The following NR4A3 variants were observed in gnomAD, a reference collection of about 807,000 sequenced individuals.
The protein encoded by NR4A3 is chondrosarcoma, extraskeletal myxoid, fused to EWS.
NR4A3 carries 13 observed loss-of-function variants against 55.6 expected under a neutral mutation model. The observed-to-expected ratio is 0.23, with a 90% CI of 0.15 to 0.37. NR4A3 has a LOEUF of 0.37. Among genes scored for constraint, NR4A3 ranks in the 10% least tolerant of loss-of-function variants. NR4A3 has a pLI of 1.00. For missense variants in NR4A3, 646 were observed against 822.8 expected, an observed-to-expected ratio of 0.79 and a Z score of 2.63; for synonymous variants, 342 against 357.9, an observed-to-expected ratio of 0.96 and a Z score of 0.50.
At chr9:99,846,133 A>T (rs1166596544) in intron 6 of NR4A3, among the ~76,000 whole-genome samples, 1 of 152,240 alleles carries the variant, frequency 6.6e-6, no homozygotes, top group East Asian at 1.9e-4. Context: ...TCCAAGAAGC[A>T]CAAAGAGATA....
At chr9:99,861,127 C>T (rs1466021342) in intron 7 of NR4A3, among the ~76,000 whole-genome samples, 2 of 152,216 alleles carry the variant, frequency 1.3e-5, no homozygotes, top group Non-Finnish European at 2.9e-5. Flanking sequence ...AGGGCCAGTG[C>T]CCATCTCTTT....
At position 99,828,385 on chromosome 9, in the gene NR4A3, C is replaced by A; in HGVS notation, c.343C>A (p.Pro115Thr). The A allele has an allele frequency of 6.3e-7, 1 of 1,594,598 alleles. No homozygotes were observed. Among genetic ancestry groups the A allele is most frequent in the Admixed American group, 1.7e-5 (1 of 59,148 alleles). ...HHHHQQQHQQ[P>T]SIPPASSPED... ...CCATCACCAGCAGCAGCATCAGCAGCCATCCATTCCTCCAGCCTCCAGCCC... is the reference window on the plus strand; with the variant it reads ...CCATCACCAGCAGCAGCATCAGCAGACATCCATTCCTCCAGCCTCCAGCCC... The change falls in exon 3 of 8, where the codon CCA (proline) becomes ACA (threonine). Residue 115 changes from proline (P) to threonine (T), a missense_variant. By Grantham distance (38) the Pro-to-Thr change is conservative. Coordinates refer to ENST00000395097, the MANE Select transcript of NR4A3 (RefSeq NM_006981.4). This position sits in a 1 kb window ranked among gnomAD's most constrained non-coding sequence, Gnocchi z 7.7.
At chr9:99,844,224 G>A (rs1034499757) in intron 5 of NR4A3, among the ~76,000 whole-genome samples, 1 of 152,092 alleles carries the variant, frequency 6.6e-6, no homozygotes, top group Non-Finnish European at 1.5e-5. Context: ...CAAACTCCTG[G>A]GGCAGTAGTT....
intron 5 of NR4A3, among the ~76,000 whole-genome samples, chr9:99,841,975 A>G (rs1827658145): frequency 6.6e-6 from 1 of 152,172 alleles, no homozygotes; most frequent in Admixed American, 6.5e-5. Context: ...GTCTCAAAAA[A>G]AAATTTTTTT....
intron 3 of NR4A3, among the ~76,000 whole-genome samples, chr9:99,829,682 G>A (rs1827401661): frequency 6.6e-6 from 1 of 152,098 alleles, no homozygotes; most frequent in Non-Finnish European, 1.5e-5. Flanking sequence ...TATGGAAAGA[G>A]CTGCCTCTTT....
chr9:99,862,571 AAAAAAAAAAAAAG>A (rs1302777703), intron 7 of NR4A3, among the ~76,000 whole-genome samples: 1,299 of 118,558 alleles, frequency 0.011, 13 homozygotes, highest in Non-Finnish European at 0.016. Context: ...AAAAAAAAAA[AAAAAAAAAAAAAG>A]AGAGAGAAAT....
At chr9:99,855,743 A>G (rs930324408) in intron 7 of NR4A3, among the ~76,000 whole-genome samples, 1 of 152,206 alleles carries the variant, frequency 6.6e-6, no homozygotes, top group African/African-American at 2.4e-5. Flanking sequence ...AGAAAGGGGT[A>G]GAGCTCCGAG....
At chr9:99,848,216 G>A (rs1481533101) in intron 7 of NR4A3, among the ~76,000 whole-genome samples, 5 of 152,118 alleles carry the variant, frequency 3.3e-5, no homozygotes, top group Non-Finnish European at 5.9e-5. Context: ...CTTGGCTAGC[G>A]ACCTAAAGTA....
rs191982195 is a variant in NR4A3 at position 99,826,149 on chromosome 9, G to A, written c.-3+317G>A. Among the ~76,000 whole-genome samples, 199 of 152,314 alleles carry A rather than the reference G, an allele frequency of 1.3e-3. 1 individual carries two copies. The highest frequency in any genetic ancestry group is 4.6e-3 in the African/African-American group (192 of 41,560). On this transcript the variant is annotated intron_variant, in intron 2 of 7. Transcript: ENST00000395097. ...CATTTTTGCTCTTCTTTTATAGCCA[G>A]TGTGCACATGTAAGAGTTATGGAAT...
At chr9:99,849,110 T>C (rs1827805475) in intron 7 of NR4A3, among the ~76,000 whole-genome samples, 1 of 152,248 alleles carries the variant, frequency 6.6e-6, no homozygotes, top group Non-Finnish European at 1.5e-5. Flanking sequence ...TCTTTCTGTT[T>C]CACTGGAAAT....
At chr9:99,831,302 G>A (rs953046889) in intron 3 of NR4A3, among the ~76,000 whole-genome samples, 3 of 152,268 alleles carry the variant, frequency 2.0e-5, no homozygotes, top group South Asian at 4.1e-4. Context: ...GGAAACACAC[G>A]TTTCCTACCC....
intron 5 of NR4A3, among the ~76,000 whole-genome samples, chr9:99,843,310 T>C (rs566905675): frequency 6.6e-6 from 1 of 152,376 alleles, no homozygotes; most frequent in East Asian, 1.9e-4. Context: ...TAATTTCATT[T>C]AGTTTTTATT....
intron 5 of NR4A3, among the ~76,000 whole-genome samples, chr9:99,843,240 T>C (rs1327420980): frequency 6.6e-6 from 1 of 152,216 alleles, no homozygotes; most frequent in Non-Finnish European, 1.5e-5. Context: ...AAATGTTCTA[T>C]CCCACATTTG....
intron 5 of NR4A3, among the ~76,000 whole-genome samples, chr9:99,836,629 T>G (rs541390133): frequency 3.9e-5 from 6 of 152,288 alleles, no homozygotes; most frequent in Admixed American, 1.3e-4. Flanking sequence ...AAAGAACTAT[T>G]CTCCCAAAGA....
chr9:99,864,042 G>T lies in NR4A3; in HGVS notation c.*175G>T. ...CTCTTTTCCTTACAACCTAAAGCCAGAAAACTTGCAGAGTATTGTGTTGGG... is the reference window on the plus strand; with the variant it reads ...CTCTTTTCCTTACAACCTAAAGCCATAAAACTTGCAGAGTATTGTGTTGGG... On this transcript the variant is annotated 3_prime_UTR_variant, in exon 8 of 8. Transcript: ENST00000395097. 2.3e-5 allele frequency: 13 copies of T among 566,144 alleles called. No individual in the cohort carries two copies. Among genetic ancestry groups the T allele is most frequent in the Non-Finnish European group, 3.2e-5 (11 of 348,694 alleles). 35.1% of individuals were successfully genotyped at this position (566,144 alleles called of 1,614,324 possible).
At chr9:99,856,257 G>A (rs1415638620) in intron 7 of NR4A3, among the ~76,000 whole-genome samples, 1 of 151,436 alleles carries the variant, frequency 6.6e-6, no homozygotes, top group African/African-American at 2.4e-5. Flanking sequence ...TCCCATCTGG[G>A]GGTGATGGGA....
intron 7 of NR4A3, among the ~76,000 whole-genome samples, chr9:99,862,582 A>AAAAG (rs1564041242): frequency 2.6e-4 from 30 of 116,162 alleles, no homozygotes; most frequent in Non-Finnish European, 3.2e-4. Flanking sequence ...AAAAAAAAAA[A>AAAAG]AGAGAGAGAA....
chr9:99,849,108 T>C (rs1564036713), intron 7 of NR4A3, among the ~76,000 whole-genome samples: 1 of 152,232 alleles, frequency 6.6e-6, no homozygotes, highest in African/African-American at 2.4e-5. Context: ...CTTCTTTCTG[T>C]TTCACTGGAA....
chr9:99,834,929 A>G (rs1371317187), intron 5 of NR4A3: 1 of 985,042 alleles, frequency 1.0e-6, no homozygotes, highest in Non-Finnish European at 1.2e-6. Flanking sequence ...GCAGAATAAT[A>G]AGACTAAGTT....
Sources: allele counts gnomAD v4.1 joint callset (sites outside exome capture counted in the v4.1 genomes callset), GRCh38; gene constraint gnomAD v4.1.1; non-coding constraint Gnocchi (gnomAD v3.1); transcripts MANE v1.5; gene names NCBI Gene and HGNC (gene_info 2026-07-23, HGNC 2026-07-21).